NEDD9: variants seen among roughly 807,000 people sequenced by gnomAD.
The protein encoded by NEDD9 is enhancer of filamentation 1.
In NEDD9, 26 loss-of-function variants were observed where a neutral mutation model predicts 76.6. The ratio of observed to expected loss-of-function variants is 0.34; its 90% CI spans 0.25 to 0.47. The LOEUF (loss-of-function observed/expected upper bound fraction) is 0.47, where lower values mean the gene tolerates loss of function less well. Among genes scored for constraint, NEDD9 ranks in the 20% least tolerant of loss-of-function variants. The pLI, the probability that NEDD9 is intolerant of heterozygous loss-of-function variation, is 1.00. For synonymous variants in NEDD9, 392 were observed against 414.2 expected (o/e 0.95, Z 0.65); for missense variants, 937 against 1,058.5 (o/e 0.89, Z 1.59).
chr6:11,288,269 G>A (rs1045345932), intron 3 of NEDD9, among the ~76,000 whole-genome samples: 3 of 152,218 alleles, frequency 2.0e-5, no homozygotes, highest in African/African-American at 7.2e-5. Context: ...TTACCTTAAA[G>A]AGTACACCCT....
chr6:11,264,184 C>G (rs1760161922), intron 3 of NEDD9, among the ~76,000 whole-genome samples: 1 of 152,226 alleles, frequency 6.6e-6, no homozygotes, highest in Admixed American at 6.5e-5. Context: ...TACCTCCCCA[C>G]TGGAAATGCA....
intron 2 of NEDD9, among the ~76,000 whole-genome samples, chr6:11,321,417 G>GT (rs1388960282): frequency 6.6e-6 from 1 of 152,070 alleles, no homozygotes; most frequent in Non-Finnish European, 1.5e-5. Flanking sequence ...TCAAAATGCC[G>GT]TGAGCCCAGT....
chr6:11,316,941 G>A (rs927706853), intron 2 of NEDD9, among the ~76,000 whole-genome samples: 2 of 152,212 alleles, frequency 1.3e-5, no homozygotes, highest in African/African-American at 4.8e-5. Flanking sequence ...GGGGGAAATG[G>A]TGAATTTGAA....
chr6:11,366,386 G>C (rs1467834083), intron 1 of NEDD9, among the ~76,000 whole-genome samples: 1 of 144,676 alleles, frequency 6.9e-6, no homozygotes, highest in Non-Finnish European at 1.5e-5. Context: ...GAGCAAGACA[G>C]AGAGAGAGAG....
chr6:11,302,125 C>T (rs59193127), intron 3 of NEDD9, among the ~76,000 whole-genome samples: 33,374 of 150,580 alleles, frequency 0.22, 4,352 homozygotes, highest in African/African-American at 0.37. Context: ...CTAGCAAGAC[C>T]AATAAAAAAG....
At chr6:11,288,674 C>T (rs889789305) in intron 3 of NEDD9, among the ~76,000 whole-genome samples, 2 of 152,358 alleles carry the variant, frequency 1.3e-5, no homozygotes, top group Middle Eastern at 3.4e-3. Context: ...TTCTTTCTTG[C>T]TTCTTTGGCT....
chr6:11,256,315 A>T (rs1340655153), intron 3 of NEDD9, among the ~76,000 whole-genome samples: 2 of 152,124 alleles, frequency 1.3e-5, no homozygotes, highest in African/African-American at 4.8e-5. Flanking sequence ...CTCTCCTGCC[A>T]GGTGTATGTG....
chr6:11,305,293 C>T (rs1272663506), intron 3 of NEDD9: 1 of 466,006 alleles, frequency 2.1e-6, no homozygotes, highest in Admixed American at 4.0e-5. Context: ...ATTTTATAAA[C>T]ACAGAAACAG....
At chr6:11,239,998 C>A (rs572170932) in intron 3 of NEDD9, among the ~76,000 whole-genome samples, 1 of 144,804 alleles carries the variant, frequency 6.9e-6, no homozygotes, top group Non-Finnish European at 1.5e-5. Context: ...GAGCCAAGAT[C>A]GAGCCACTGC....
intron 3 of NEDD9, among the ~76,000 whole-genome samples, chr6:11,268,771 A>ACACACAC (rs1760250540): frequency 6.6e-6 from 1 of 151,458 alleles, no homozygotes; most frequent in African/African-American, 2.4e-5. Flanking sequence ...ACACACACAC[A>ACACACAC]ACCAATATTT....
At chr6:11,319,559 G>C (rs376897031) in intron 2 of NEDD9, among the ~76,000 whole-genome samples, 11,216 of 131,818 alleles carry the variant, frequency 0.085, 540 homozygotes, top group Admixed American at 0.18. Context: ...CTAACATGCG[G>C]ACACACACAC....
chr6:11,306,458 G>A (rs1374788981), intron 2 of NEDD9, among the ~76,000 whole-genome samples: 4 of 152,194 alleles, frequency 2.6e-5, no homozygotes, highest in Non-Finnish European at 5.9e-5. Context: ...AATGTGCAGT[G>A]GGTCTGGTGA....
Position 11,361,447 on chromosome 6 carries a change from A to C in NEDD9, c.-214+20692T>G, listed in dbSNP as rs151005167. The stretch of plus-strand genomic sequence containing the variant: ...CACATGGTGAAAGCAGGAGCAAGAG[A>C]GACAGACAGAGTGTCAAGGGGCAGG... On this transcript the variant is annotated intron_variant, in intron 1 of 3. Transcript: ENST00000397378. Among the ~76,000 whole-genome samples the C allele has an allele frequency of 4.2e-3, 634 of 152,192 alleles. 7 individuals are homozygous for C. The highest frequency in any genetic ancestry group is 0.04 in the East Asian group (209 of 5,168).
chr6:11,301,138 C>A lies in NEDD9; in HGVS notation c.12+4854G>T, dbSNP rs558986598. On this transcript the variant is annotated intron_variant, in intron 3 of 3. Coordinates refer to the NEDD9 transcript ENST00000397378. ...AGGAGACCCATTTCATGTGCAAAGA[C>A]GCACATAGGCTCAAAATAAAGGGAT... 5.3e-5 allele frequency among the ~76,000 whole-genome samples: 8 copies of A among 152,176 alleles called. No individual in the cohort carries two copies. The South Asian group carries it at 1.0e-3, about 20-fold the overall frequency.
chr6:11,216,765 C>T (rs1235695335), intron 1 of NEDD9, among the ~76,000 whole-genome samples: 1 of 152,240 alleles, frequency 6.6e-6, no homozygotes, highest in African/African-American at 2.4e-5. Context: ...CCTTGGGCTT[C>T]AGGCTCCCTC....
chr6:11,197,622 A>G (rs1016126238), intron 2 of NEDD9, among the ~76,000 whole-genome samples: 2 of 152,096 alleles, frequency 1.3e-5, no homozygotes, highest in Non-Finnish European at 2.9e-5. Context: ...ATACATCTCC[A>G]AGTCTGGGTC....
intron 2 of NEDD9, among the ~76,000 whole-genome samples, chr6:11,319,617 TCA>T (rs372350542): frequency 0.012 from 1,044 of 88,468 alleles, 10 homozygotes; most frequent in African/African-American, 0.026. Flanking sequence ...ACACTCACAC[TCA>T]CACACACACA....
intron 3 of NEDD9, among the ~76,000 whole-genome samples, chr6:11,264,515 T>C (rs1760170933): frequency 6.6e-6 from 1 of 152,084 alleles, no homozygotes; most frequent in African/African-American, 2.4e-5. Flanking sequence ...GAATCAAACC[T>C]CAAGGAACAC....
At chr6:11,297,063 T>C (rs12663475) in intron 3 of NEDD9, among the ~76,000 whole-genome samples, 86,325 of 151,588 alleles carry the variant, frequency 0.57, 25,238 homozygotes, top group East Asian at 0.8. Context: ...AACTATAACA[T>C]GCCATGCCTG....
Sources: gnomAD v4.1 joint callset for allele counts (sites outside exome capture counted in the v4.1 genomes callset) on GRCh38, gnomAD v4.1.1 for gene constraint, MANE v1.5 for transcripts, NCBI Gene and HGNC (gene_info 2026-07-23, HGNC 2026-07-21) for gene names.